The following TMEM175 variants were observed in gnomAD, a reference collection of about 807,000 sequenced individuals.
The protein encoded by TMEM175 is endosomal/lysosomal proton channel TMEM175.
Under a neutral mutation model 36.5 loss-of-function variants are expected in TMEM175, and 36 were observed. The ratio of observed to expected loss-of-function variants is 0.99; its 90% CI spans 0.76 to 1.30. The LOEUF is 1.30. Among genes scored for constraint, TMEM175 ranks in the 50% most tolerant of loss-of-function variants. The probability of loss-of-function intolerance (pLI) is 0.00; values close to 1 mark genes in which losing one functional copy is unlikely to be tolerated. For synonymous variants in TMEM175, 339 were observed against 313.4 expected (o/e 1.08, Z -0.86); for missense variants, 705 against 692.8 (o/e 1.02, Z -0.20).
chr4:950,051 C>T (rs527791383), intron 3 of TMEM175, among the ~76,000 whole-genome samples: 174 of 152,200 alleles, frequency 1.1e-3, no homozygotes, highest in Middle Eastern at 0.01. Flanking sequence ...ATCCCTGAGG[C>T]GGAGTCCACA....
intron 1 of TMEM175, among the ~76,000 whole-genome samples, chr4:944,599 G>C (rs1305179343): frequency 4.6e-5 from 7 of 152,190 alleles, no homozygotes; most frequent in African/African-American, 1.7e-4. Flanking sequence ...TACACATACG[G>C]TGTGTGTATA....
rs747852508 is a variant in TMEM175, at chr4:953,685, G to A, written c.627+331G>A. ...AATCCGGGGGTGCATGCGTTTTCTT[G>A]TTTTGTTTTTTGTTCATTGAGGCAA... is the stretch of plus-strand genomic sequence containing the variant. On this transcript the variant is annotated intron_variant, in intron 8 of 10. Transcript: ENST00000264771. Among the ~76,000 whole-genome samples, 3 of 152,354 alleles carry A rather than the reference G, an allele frequency of 2.0e-5. No homozygotes were observed. In the South Asian group the frequency reaches 6.2e-4, roughly 32 times the overall value.
chr4:944,185 C>T (rs1271474546), intron 1 of TMEM175, among the ~76,000 whole-genome samples: 2 of 152,112 alleles, frequency 1.3e-5, no homozygotes, highest in African/African-American at 4.8e-5. Flanking sequence ...CCCAGCTGCT[C>T]GGGAGGCTGA....
intron 7 of TMEM175, 78 bp downstream of exon 7, chr4:952,528 G>A (rs1322292194): frequency 2.2e-5 from 31 of 1,412,876 alleles, no homozygotes; most frequent in East Asian, 7.2e-5. Context: ...GATCACCATC[G>A]GGGTCGTGCA....
chr4:951,383 TC>T, intron 5 of TMEM175, 125 bp downstream of exon 5: 1 of 1,132,692 alleles, frequency 8.8e-7, no homozygotes, highest in Non-Finnish European at 1.3e-6. Context: ...CTGGAATCTG[TC>T]CACAGCTGGG....
At chr4:941,007 A>AAATAAAAATAAT (rs1727388302) in intron 1 of TMEM175, among the ~76,000 whole-genome samples, 1 of 131,864 alleles carries the variant, frequency 7.6e-6, no homozygotes, top group Non-Finnish European at 1.6e-5. Context: ...CTCCGTCTCA[A>AAATAAAAATAAT]AATAATAATA....
intron 10 of TMEM175, chr4:956,731 AC>A (rs1463097801): frequency 3.1e-6 from 1 of 326,320 alleles, no homozygotes; most frequent in African/African-American, 2.2e-5. Flanking sequence ...GGTGTAAGCC[AC>A]CGTGCCCGGC....
chr4:947,610 C>G (rs1364111405), intron 1 of TMEM175, 99 bp from the exon 2 acceptor site: 1 of 902,992 alleles, frequency 1.1e-6, no homozygotes, highest in African/African-American at 1.7e-5. Flanking sequence ...GGCCAAGCCC[C>G]CCCCCATACC....
chr4:952,671 G>A (rs1202186376), intron 7 of TMEM175, among the ~76,000 whole-genome samples: 1 of 143,024 alleles, frequency 7.0e-6, no homozygotes, highest in East Asian at 2.1e-4. Context: ...CACCATCAGT[G>A]CTCTTGGGGC....
chr4:942,184 G>A (rs116126259), intron 1 of TMEM175, among the ~76,000 whole-genome samples: 4 of 151,426 alleles, frequency 2.6e-5, no homozygotes, highest in Non-Finnish European at 4.4e-5. Flanking sequence ...TCAGCCTCTC[G>A]AGTAGCTGAG....
rs201809910 is a variant in TMEM175, at chr4:952,372, G to C, written c.384G>C (p.Ser128=). Residue 128 remains serine (S), a synonymous_variant, in exon 7 of 11, where the codon TCG becomes TCC. Transcript: ENST00000264771. ...MTITFLPYTF[S]LMVTFPDVPL... Reference sequence around the variant, plus strand: ...TTTTGTTTTTGTTTTAACAGTTTTCGTTAATGGTGACCTTCCCTGATGTGC... The same window carrying C: ...TTTTGTTTTTGTTTTAACAGTTTTCCTTAATGGTGACCTTCCCTGATGTGC... 1 of 1,611,874 alleles carries C rather than the reference G, an allele frequency of 6.2e-7. No homozygotes were observed. Among genetic ancestry groups the C allele is most frequent in the Admixed American group, 1.7e-5 (1 of 59,998 alleles).
chr4:953,104 C>T (rs1480741934), intron 7 of TMEM175, 86 bp from the exon 8 acceptor site: 5 of 1,402,372 alleles, frequency 3.6e-6, no homozygotes, highest in East Asian at 2.4e-5. Context: ...CCCTTGCGTG[C>T]GTGTGCCATG....
chr4:933,592 C>T (rs1026457791), intron 1 of TMEM175, among the ~76,000 whole-genome samples: 1 of 152,144 alleles, frequency 6.6e-6, no homozygotes, highest in Non-Finnish European at 1.5e-5. Flanking sequence ...TGTGTGTTAC[C>T]AATTACCTAG....
At chr4:948,661 T>A in intron 3 of TMEM175, 1 of 1,221,058 alleles carries the variant, frequency 8.2e-7, no homozygotes, top group Non-Finnish European at 1.0e-6. Context: ...CTTGACTGTT[T>A]CTGAGCTAAA....
intron 5 of TMEM175, 152 bp downstream of exon 5, chr4:951,410 C>A: frequency 1.0e-6 from 1 of 960,270 alleles, no homozygotes; most frequent in South Asian, 1.5e-5. Flanking sequence ...CTTGAATGAT[C>A]TTTCCCTCCC....
chr4:956,569 A>C (rs1413870519), intron 10 of TMEM175: 1 of 899,604 alleles, frequency 1.1e-6, no homozygotes, highest in African/African-American at 1.8e-5. Context: ...CAGCCTCCCA[A>C]GTAGTTGGGA....
chr4:948,457 G>A, intron 3 of TMEM175: 1 of 1,480,990 alleles, frequency 6.8e-7, no homozygotes, highest in Non-Finnish European at 9.0e-7. Context: ...CAGGTTGGAA[G>A]AGGAAGGTTC....
chr4:955,349 A>C (rs908480821), intron 8 of TMEM175, 56 bp from the exon 9 acceptor site: 2 of 1,394,098 alleles, frequency 1.4e-6, no homozygotes, highest in African/African-American at 2.8e-5. Context: ...TGTGTGGGTA[A>C]GGCCTGGCCT....
At position 957,842 on chromosome 4, in the gene TMEM175, C is replaced by T. The variant is rs758070654; in HGVS notation, c.861C>T (p.Asp287=). Residue 287 remains aspartate, a synonymous_variant, in exon 11 of 11, where the codon GAC becomes GAT. Coordinates refer to ENST00000264771, the MANE Select transcript of TMEM175 (RefSeq NM_032326.4). ...ILDICEDNVP[D]PKDVKERFSG... Reference sequence around the variant, plus strand: ...TTCTCAGCGAAGACAACGTCCCGGACCCCAAGGATGTGAAGGAGAGGTTCA... The same window carrying T: ...TTCTCAGCGAAGACAACGTCCCGGATCCCAAGGATGTGAAGGAGAGGTTCA... The T allele has an allele frequency of 9.9e-6, 16 of 1,610,522 alleles. No homozygotes were observed. Among genetic ancestry groups the T allele is most frequent in the African/African-American group, 4.0e-5 (3 of 74,900 alleles).
Sources: gnomAD v4.1 joint callset for allele counts (sites outside exome capture counted in the v4.1 genomes callset) on GRCh38, gnomAD v4.1.1 for gene constraint, MANE v1.5 for transcripts, NCBI Gene and HGNC (gene_info 2026-07-23, HGNC 2026-07-21) for gene names.